The following CAMTA1 variants were observed in gnomAD, a reference collection of about 807,000 sequenced individuals.
CAMTA1 encodes calmodulin binding transcription activator 1, also known as calmodulin-binding transcription activator 1.
CAMTA1 carries 27 observed loss-of-function variants against 170.9 expected under a neutral mutation model. That is an observed-to-expected ratio of 0.16 (90% CI 0.12 to 0.22). The LOEUF (loss-of-function observed/expected upper bound fraction) is 0.22, where lower values mean the gene tolerates loss of function less well. CAMTA1 is among the 10% of genes least tolerant of loss of function. CAMTA1 has a pLI of 1.00. For synonymous variants in CAMTA1, 833 were observed against 891.5 expected, an observed-to-expected ratio of 0.93 and a Z score of 1.17; for missense variants, 1,619 against 2,217.2, an observed-to-expected ratio of 0.73 and a Z score of 5.42.
At chr1:7,658,223 G>T (rs1051923702) in intron 7 of CAMTA1, among the ~76,000 whole-genome samples, 1 of 152,334 alleles carries the variant, frequency 6.6e-6, no homozygotes, top group African/African-American at 2.4e-5. Flanking sequence ...AGGGGCACCT[G>T]CTCCGAGTTC....
At chr1:6,857,573 G>A (rs1260790414) in intron 3 of CAMTA1, among the ~76,000 whole-genome samples, 1 of 152,138 alleles carries the variant, frequency 6.6e-6, no homozygotes, top group East Asian at 1.9e-4. Flanking sequence ...GGTAGGGTCG[G>A]GCTGTAGGAC....
chr1:7,186,854 A>G (rs928702329), intron 4 of CAMTA1, among the ~76,000 whole-genome samples: 5 of 152,188 alleles, frequency 3.3e-5, no homozygotes, highest in Admixed American at 6.5e-5. Context: ...AACGTGCACA[A>G]CCAGGTAAAT....
At chr1:7,330,337 G>C (rs947761281) in intron 5 of CAMTA1, among the ~76,000 whole-genome samples, 1 of 152,208 alleles carries the variant, frequency 6.6e-6, no homozygotes, top group African/African-American at 2.4e-5. Context: ...GCTCTTGTTT[G>C]GACCACGCGG....
At chr1:6,924,770 A>G (rs972397902) in intron 3 of CAMTA1, among the ~76,000 whole-genome samples, 4 of 152,230 alleles carry the variant, frequency 2.6e-5, no homozygotes, top group Non-Finnish European at 4.4e-5. Flanking sequence ...CGGAGTGCCT[A>G]TGAATACCCT....
intron 3 of CAMTA1, among the ~76,000 whole-genome samples, chr1:6,858,685 C>T (rs1411147360): frequency 1.3e-5 from 2 of 152,218 alleles, no homozygotes; most frequent in African/African-American, 2.4e-5. Context: ...TGTCTGAAAT[C>T]GTATTGACAG....
At chr1:7,679,369 C>T (rs1158779882) in intron 11 of CAMTA1, among the ~76,000 whole-genome samples, 1 of 152,144 alleles carries the variant, frequency 6.6e-6, no homozygotes, top group African/African-American at 2.4e-5. Flanking sequence ...GGCAGTGCCC[C>T]AGAGCTCAGG....
chr1:6,915,998 G>C (rs999871247), intron 3 of CAMTA1, among the ~76,000 whole-genome samples: 2 of 152,178 alleles, frequency 1.3e-5, no homozygotes, highest in African/African-American at 4.8e-5. Flanking sequence ...CTGGCACTTG[G>C]AGTGGGTGGT....
At chr1:7,226,747 A>T (rs1661763981) in intron 4 of CAMTA1, among the ~76,000 whole-genome samples, 1 of 151,832 alleles carries the variant, frequency 6.6e-6, no homozygotes, top group African/African-American at 2.4e-5. Context: ...ACAAATAGAG[A>T]TATGCACATT....
chr1:7,210,698 T>C (rs1053994363), intron 4 of CAMTA1, among the ~76,000 whole-genome samples: 1 of 152,226 alleles, frequency 6.6e-6, no homozygotes, highest in East Asian at 1.9e-4. Context: ...AATTTATTTA[T>C]TGTTTAGTAC....
rs11806082 is a variant in CAMTA1, at chr1:6,917,829, C to T, written c.234+92619C>T. Among the ~76,000 whole-genome samples the T allele has an allele frequency of 9.6e-3, 989 of 102,800 alleles. 10 individuals carry two copies. The highest frequency in any genetic ancestry group is 0.033 in the African/African-American group (932 of 28,572). The allele number at this position is 102,800 out of a possible 152,430, so 67.4% of individuals were successfully genotyped here. A position where few individuals can be genotyped will look rare whatever the true frequency, so the allele number is the denominator to read the frequency against. Reference sequence around the variant, plus strand: ...AAAGACGCAGCAAGGAGGGGAAGGGCAGAAGCAAAACCCATCGGGGGCGGG... The same window carrying T: ...AAAGACGCAGCAAGGAGGGGAAGGGTAGAAGCAAAACCCATCGGGGGCGGG... On this transcript the variant is annotated intron_variant, in intron 3 of 22. Coordinates refer to ENST00000303635, the MANE Select transcript of CAMTA1 (RefSeq NM_015215.4).
intron 3 of CAMTA1, among the ~76,000 whole-genome samples, chr1:7,057,648 G>A (rs773746290): frequency 4.1e-4 from 63 of 152,220 alleles, no homozygotes; most frequent in Non-Finnish European, 6.8e-4. Flanking sequence ...AGTGGTCCAC[G>A]GAGCTGGCAT....
At chr1:6,997,385 C>T (rs1187343183) in intron 3 of CAMTA1, among the ~76,000 whole-genome samples, 5 of 152,026 alleles carry the variant, frequency 3.3e-5, no homozygotes, top group Non-Finnish European at 5.9e-5. Flanking sequence ...TTTTTGAGGC[C>T]AAATTCCGAG....
chr1:6,929,936 G>A (rs1435220862), intron 3 of CAMTA1, among the ~76,000 whole-genome samples: 4 of 152,140 alleles, frequency 2.6e-5, no homozygotes, highest in South Asian at 2.1e-4. Context: ...ATTTGCCCTC[G>A]GTGGAACTTA....
intron 6 of CAMTA1, among the ~76,000 whole-genome samples, chr1:7,480,869 T>C (rs150531812): frequency 5.1e-4 from 77 of 152,288 alleles, no homozygotes; most frequent in African/African-American, 1.8e-3. Flanking sequence ...ACCAGATTTT[T>C]ACCCGACTCA....
In CAMTA1 at chr1:6,883,704, T is replaced by C. The variant is rs143475876; in HGVS notation, c.234+58494T>C. On this transcript the variant is annotated intron_variant, in intron 3 of 22. Coordinates refer to ENST00000303635, the MANE Select transcript of CAMTA1 (RefSeq NM_015215.4). Reference sequence around the variant, plus strand: ...GGAGTTGGGATAGTCGAAGAGTAGATAGAGGGCTTGAAATCGGTATCATGG... The same window carrying C: ...GGAGTTGGGATAGTCGAAGAGTAGACAGAGGGCTTGAAATCGGTATCATGG... Among the ~76,000 whole-genome samples the C allele has an allele frequency of 3.5e-3, 538 of 152,092 alleles. 2 individuals are homozygous for C. The highest frequency in any genetic ancestry group is 5.7e-3 in the Non-Finnish European group (385 of 67,964).
chr1:7,550,799 C>T (rs554719364), intron 6 of CAMTA1, among the ~76,000 whole-genome samples: 1 of 119,770 alleles, frequency 8.3e-6, no homozygotes, highest in East Asian at 2.8e-4. Flanking sequence ...TTCACATGGT[C>T]CTCTCCTACC....
intron 5 of CAMTA1, among the ~76,000 whole-genome samples, chr1:7,361,160 T>C (rs991755546): frequency 6.6e-6 from 1 of 152,252 alleles, no homozygotes; most frequent in Non-Finnish European, 1.5e-5. Flanking sequence ...CCATATTCAT[T>C]TGGAATCTGT....
chr1:7,455,727 C>T lies in CAMTA1; in HGVS notation c.439-12103C>T, dbSNP rs1031183043. Among the ~76,000 whole-genome samples the T allele has an allele frequency of 1.3e-5, 2 of 152,226 alleles. No homozygotes were observed. The highest frequency in any genetic ancestry group is 6.5e-5 in the Admixed American group (1 of 15,286). On this transcript the variant is annotated intron_variant, in intron 5 of 22. Coordinates refer to ENST00000303635, the MANE Select transcript of CAMTA1 (RefSeq NM_015215.4). The surrounding 1 kb of genome is among the most constrained non-coding windows in gnomAD (Gnocchi z 5.0). ...GCAGGCTCTGGAGCTGAGTAGTAAC[C>T]ACAGCCAGGAATCCCGGCAGTGCCA...
At chr1:7,527,468 G>A (rs867110705) in intron 6 of CAMTA1, among the ~76,000 whole-genome samples, 9 of 152,232 alleles carry the variant, frequency 5.9e-5, no homozygotes, top group African/African-American at 2.2e-4. Context: ...TTGGGACTTT[G>A]AGACATCTAA....
Sources: gnomAD v4.1 joint callset for allele counts (sites outside exome capture counted in the v4.1 genomes callset) on GRCh38, gnomAD v4.1.1 for gene constraint, Gnocchi (gnomAD v3.1) non-coding constraint, MANE v1.5 for transcripts, NCBI Gene and HGNC (gene_info 2026-07-23, HGNC 2026-07-21) for gene names.